The following PLXDC2 variants were observed in gnomAD, a reference collection of about 807,000 sequenced individuals.
PLXDC2 encodes the protein plexin domain containing 2, also known as plexin domain-containing protein 2.
Under a neutral mutation model 68.9 loss-of-function variants are expected in PLXDC2, and 40 were observed. The ratio of observed to expected loss-of-function variants is 0.58; its 90% confidence interval spans 0.45 to 0.76. The LOEUF (loss-of-function observed/expected upper bound fraction) is 0.76, where lower values mean the gene tolerates loss of function less well. Ranked by LOEUF, PLXDC2 falls within the 30% of genes least tolerant of loss-of-function variation. The pLI is 0.00. For synonymous variants in PLXDC2, 243 were observed against 234.2 expected (o/e 1.04, Z -0.34); for missense variants, 644 against 661.9 (o/e 0.97, Z 0.30).
intron 1 of PLXDC2, among the ~76,000 whole-genome samples, chr10:19,913,384 A>C (rs1331662676): frequency 2.0e-5 from 3 of 152,036 alleles, no homozygotes; most frequent in African/African-American, 7.2e-5. Context: ...CTTCCTGTAC[A>C]GCCTGTGGAA....
chr10:19,966,294 T>C (rs1440231133), intron 1 of PLXDC2, among the ~76,000 whole-genome samples: 1 of 68,734 alleles, frequency 1.5e-5, no homozygotes, highest in East Asian at 4.7e-4. Context: ...TATATACACA[T>C]ATATGTGTAT....
At chr10:20,215,472 A>G (rs1017220500) in intron 10 of PLXDC2, among the ~76,000 whole-genome samples, 1 of 151,984 alleles carries the variant, frequency 6.6e-6, no homozygotes, top group African/African-American at 2.4e-5. Context: ...AGAGGGAGGC[A>G]GTCCCTCTTC....
chr10:19,998,811 GA>G (rs5783714), intron 1 of PLXDC2, among the ~76,000 whole-genome samples: 93,455 of 151,196 alleles, frequency 0.62, 30,839 homozygotes, highest in East Asian at 0.86. Flanking sequence ...AACAGTGGGG[GA>G]AAAAAAAAAT....
intron 1 of PLXDC2, among the ~76,000 whole-genome samples, chr10:19,860,431 G>T (rs538531326): frequency 6.6e-6 from 1 of 152,146 alleles, no homozygotes; most frequent in Non-Finnish European, 1.5e-5. Flanking sequence ...ATGAATGAGC[G>T]AAAGAAATCA....
At chr10:19,862,046 A>G (rs1439455776) in intron 1 of PLXDC2, among the ~76,000 whole-genome samples, 1 of 152,256 alleles carries the variant, frequency 6.6e-6, no homozygotes, top group Non-Finnish European at 1.5e-5. Context: ...ACAATTCTTC[A>G]CATAGGAGAT....
intron 12 of PLXDC2, among the ~76,000 whole-genome samples, chr10:20,224,586 G>C (rs956721246): frequency 1.2e-4 from 19 of 152,262 alleles, no homozygotes; most frequent in African/African-American, 4.6e-4. Context: ...ACATTTGCAA[G>C]TTGAATCAAT....
intron 12 of PLXDC2, among the ~76,000 whole-genome samples, chr10:20,225,813 A>AT (rs138014212): frequency 0.19 from 28,858 of 151,744 alleles, 4,613 homozygotes; most frequent in African/African-American, 0.44. Flanking sequence ...CTGAGCACCA[A>AT]TTTTTTTTTA....
chr10:19,987,701 A>G (rs954610084), intron 1 of PLXDC2, among the ~76,000 whole-genome samples: 16 of 151,734 alleles, frequency 1.1e-4, no homozygotes, highest in Non-Finnish European at 2.1e-4. Flanking sequence ...AGCTGGGACT[A>G]TAGGCGCCCG....
intron 1 of PLXDC2, among the ~76,000 whole-genome samples, chr10:19,987,782 TCTCG>T (rs1369458463): frequency 2.3e-4 from 35 of 151,992 alleles, no homozygotes; most frequent in Non-Finnish European, 3.7e-4. Context: ...GCCAGGATGG[TCTCG>T]ATCGATCTCC....
intron 9 of PLXDC2, among the ~76,000 whole-genome samples, chr10:20,182,820 A>G (rs1212111824): frequency 6.6e-6 from 1 of 151,700 alleles, no homozygotes; most frequent in Admixed American, 6.6e-5. Flanking sequence ...TGCATTACAT[A>G]TTTGTCCTAC....
At chr10:19,852,425 C>CAAAAAAAAAAAAAAAAAAAAAAA (rs61430454) in intron 1 of PLXDC2, among the ~76,000 whole-genome samples, 4 of 61,928 alleles carry the variant, frequency 6.5e-5, no homozygotes, top group Admixed American at 4.8e-4. Flanking sequence ...GACCCTGTCT[C>CAAAAAAAAAAAAAAAAAAAAAAA]AAAAAAAAAA....
At chr10:19,837,913 C>A in intron 1 of PLXDC2, among the ~76,000 whole-genome samples, 1 of 152,080 alleles carries the variant, frequency 6.6e-6, no homozygotes, top group East Asian at 1.9e-4. Flanking sequence ...AAGTGACTAA[C>A]GTAAAACCAT....
At chr10:20,158,252 A>G (rs1589657712) in intron 6 of PLXDC2, among the ~76,000 whole-genome samples, 1 of 152,218 alleles carries the variant, frequency 6.6e-6, no homozygotes, top group Non-Finnish European at 1.5e-5. Context: ...TTTGGTCCAT[A>G]TGTTCATTGA....
intron 1 of PLXDC2, among the ~76,000 whole-genome samples, chr10:19,971,984 G>T (rs1197179353): frequency 6.6e-6 from 1 of 152,132 alleles, no homozygotes; most frequent in African/African-American, 2.4e-5. Flanking sequence ...ACAGGGAGTG[G>T]CATGCGTTGT....
intron 7 of PLXDC2, among the ~76,000 whole-genome samples, chr10:20,174,666 A>C (rs1397317880): frequency 1.3e-5 from 2 of 152,100 alleles, no homozygotes; most frequent in Non-Finnish European, 2.9e-5. Context: ...GCGAGGAGGG[A>C]AAGCATTAGG....
At chr10:20,253,992 C>G (rs1835711455) in intron 13 of PLXDC2, among the ~76,000 whole-genome samples, 1 of 152,076 alleles carries the variant, frequency 6.6e-6, no homozygotes, top group Non-Finnish European at 1.5e-5. Flanking sequence ...GGAGTCAAGT[C>G]CAAGGTAGAA....
rs547531077 is a variant in PLXDC2, at chr10:20,164,085, GT to G, written c.784-375del. ...TGTATAAAAACAAATATACAGTAAAGTTTTTTTTCAGAAAACAAATAGTAAG... is the reference window on the plus strand; with the variant it reads ...TGTATAAAAACAAATATACAGTAAAGTTTTTTTCAGAAAACAAATAGTAAG... On this transcript the variant is annotated intron_variant, in intron 6 of 13. Coordinates refer to ENST00000377252, the MANE Select transcript of PLXDC2 (RefSeq NM_032812.9). Among the ~76,000 whole-genome samples the G allele has an allele frequency of 9.9e-5, 15 of 151,898 alleles. No homozygotes were observed. The South Asian group carries it at 2.1e-3, about 21-fold the overall frequency.
At chr10:20,258,692 T>A (rs1564369483) in intron 13 of PLXDC2, among the ~76,000 whole-genome samples, 1 of 152,162 alleles carries the variant, frequency 6.6e-6, no homozygotes. Flanking sequence ...TGTGCAAATT[T>A]GTTTTCCTAA....
At chr10:19,851,000 A>C (rs144529886) in intron 1 of PLXDC2, among the ~76,000 whole-genome samples, 1 of 152,334 alleles carries the variant, frequency 6.6e-6, no homozygotes, top group African/African-American at 2.4e-5. Flanking sequence ...AGGAATCACA[A>C]GACCTACTTC....
Sources: allele counts gnomAD v4.1 joint callset (sites outside exome capture counted in the v4.1 genomes callset), GRCh38; gene constraint gnomAD v4.1.1; transcripts MANE v1.5; gene names NCBI Gene and HGNC (gene_info 2026-07-23, HGNC 2026-07-21).